ITGB5: variants seen among roughly 807,000 people sequenced by gnomAD.
The protein encoded by ITGB5 is integrin subunit beta 5, also known as integrin beta-5.
In ITGB5, 38 loss-of-function variants were observed where a neutral mutation model predicts 84.8. The observed-to-expected ratio is 0.45, with a 90% CI of 0.35 to 0.59. ITGB5 has a LOEUF of 0.59. Ranked by LOEUF, ITGB5 falls within the 20% of genes least tolerant of loss-of-function variation. The probability of loss-of-function intolerance (pLI) is 0.01; values close to 1 mark genes in which losing one functional copy is unlikely to be tolerated. For synonymous variants in ITGB5, 393 were observed against 414.4 expected, an observed-to-expected ratio of 0.95 and a Z score of 0.63; for missense variants, 905 against 1,034.5, an observed-to-expected ratio of 0.87 and a Z score of 1.72.
chr3:124,887,531 G>A (rs1488763901), upstream of ITGB5: 2 of 234,898 alleles, frequency 8.5e-6, no homozygotes, highest in East Asian at 1.3e-4. Flanking sequence ...GGCCAGCTCC[G>A]CCCTGTGCGG....
chr3:124,862,289 C>T (rs2065315228), intron 2 of ITGB5: 1 of 152,482 alleles, frequency 6.6e-6, no homozygotes, highest in Middle Eastern at 3.4e-3. Flanking sequence ...GTAATGAGAA[C>T]CCCTGACACC....
intron 10 of ITGB5, among the ~76,000 whole-genome samples, chr3:124,793,970 C>G (rs1009220475): frequency 6.6e-6 from 1 of 152,246 alleles, no homozygotes; most frequent in Non-Finnish European, 1.5e-5. Context: ...TGTTAACCCA[C>G]GTCTGTGCAA....
At chr3:124,781,393 T>G (rs745611681) in intron 10 of ITGB5, 2 of 152,510 alleles carry the variant, frequency 1.3e-5, no homozygotes, top group Non-Finnish European at 2.9e-5. Context: ...TGACCTGTGC[T>G]GCCTGGTGTT....
intron 1 of ITGB5, among the ~76,000 whole-genome samples, chr3:124,886,647 C>A (rs1206300902): frequency 6.6e-6 from 1 of 151,944 alleles, no homozygotes; most frequent in African/African-American, 2.4e-5. Flanking sequence ...GTGCCCTGGG[C>A]GCGGGCCCTG....
rs960875949 is a variant in ITGB5 at position 124,821,248 on chromosome 3, C to G, written c.942+65G>C. On this transcript the variant is annotated intron_variant, in intron 6 of 14. Coordinates refer to ENST00000296181, the MANE Select transcript of ITGB5 (RefSeq NM_002213.5). ...GGAAGGTTTCAAGGCTGGGCAAGTA[C>G]TAAGACCACGGGCAGGGTCACAAGA... 28 of 1,537,796 alleles carry G rather than the reference C, an allele frequency of 1.8e-5. No individual in the cohort carries two copies. In the Admixed American group the frequency reaches 2.3e-4, roughly 13 times the overall value.
In ITGB5 at chr3:124,807,941, CAAAAAAAAAAAAAAAAAAAAA is replaced by C. The variant is rs552552243; in HGVS notation, c.1263+1060_1263+1080del. On this transcript the variant is annotated intron_variant, in intron 9 of 14. Transcript: ENST00000296181. ...TGGGCGACAGAGCGAGACTTCATCT[CAAAAAAAAAAAAAAAAAAAAA>C]AAAAAAAAAAAAAAAAAAGAGGTAT... is the stretch of plus-strand genomic sequence containing the variant. Among the ~76,000 whole-genome samples the C allele has an allele frequency of 9.3e-4, 25 of 26,802 alleles. 1 individual carries two copies. The highest frequency in any genetic ancestry group is 2.5e-3 in the South Asian group (1 of 406). 17.6% of individuals were successfully genotyped at this position (26,802 alleles called of 152,430 possible).
chr3:124,806,142 G>A (rs895142094), intron 9 of ITGB5, among the ~76,000 whole-genome samples: 2 of 152,176 alleles, frequency 1.3e-5, no homozygotes, highest in African/African-American at 4.8e-5. Flanking sequence ...TGACTGTGCT[G>A]TTGTCAACCC....
chr3:124,896,823 A>G lies in ITGB5; in HGVS notation c.-255+4443T>C, dbSNP rs1935112921. ...TGCCTGTTATCCCAGCATTTTGGGAAGCTGAGGTGAGAGGATCACCTGAGC... is the reference window on the plus strand; with the variant it reads ...TGCCTGTTATCCCAGCATTTTGGGAGGCTGAGGTGAGAGGATCACCTGAGC... On this transcript the variant is annotated intron_variant, in intron 1 of 4. Coordinates refer to the ITGB5 transcript ENST00000608657. 3.3e-5 allele frequency among the ~76,000 whole-genome samples: 5 copies of G among 150,386 alleles called. 1 individual carries two copies. In the South Asian group the frequency reaches 8.5e-4, roughly 26 times the overall value.
intron 7 of ITGB5, among the ~76,000 whole-genome samples, chr3:124,818,269 T>C (rs2064638015): frequency 6.6e-6 from 1 of 152,146 alleles, no homozygotes. Flanking sequence ...CTTTCCTCTT[T>C]CATCTGTACT....
chr3:124,892,934 C>T (rs1341867784), intron 1 of ITGB5, among the ~76,000 whole-genome samples: 1 of 152,028 alleles, frequency 6.6e-6, no homozygotes, highest in East Asian at 1.9e-4. Context: ...GAGTTCGGGG[C>T]AGAAAAACAA....
At chr3:124,844,205 CAAAAAAA>C (rs58956636) in intron 4 of ITGB5, among the ~76,000 whole-genome samples, 38 of 85,908 alleles carry the variant, frequency 4.4e-4, no homozygotes, top group African/African-American at 1.1e-3. Context: ...TTGGTTTTGG[CAAAAAAA>C]AAAAAAAAAA....
At chr3:124,819,617 A>G in intron 7 of ITGB5, 122 bp downstream of exon 7, 1 of 719,346 alleles carries the variant, frequency 1.4e-6, no homozygotes, top group South Asian at 1.6e-5. Flanking sequence ...ATTTTCCATT[A>G]GATCAAGACT....
At chr3:124,844,205 CAAAAA>C (rs58956636) in intron 4 of ITGB5, among the ~76,000 whole-genome samples, 2 of 85,914 alleles carry the variant, frequency 2.3e-5, no homozygotes, top group South Asian at 4.9e-4. Flanking sequence ...TTGGTTTTGG[CAAAAA>C]AAAAAAAAAA....
chr3:124,851,257 C>T lies in ITGB5; in HGVS notation c.362-2699G>A, dbSNP rs924695408. 2.0e-5 allele frequency among the ~76,000 whole-genome samples: 3 copies of T among 152,160 alleles called. No individual in the cohort carries two copies. In the South Asian group the frequency reaches 6.2e-4, roughly 32 times the overall value. ...CTCAGGCTCTCTTCAACTCACTGCT[C>T]GGTTTCTGCATCAGTCAAGTGGGGA... On this transcript the variant is annotated intron_variant, in intron 3 of 14. Coordinates refer to ENST00000296181, the MANE Select transcript of ITGB5 (RefSeq NM_002213.5).
chr3:124,772,577 C>T (rs1389085500), intron 11 of ITGB5, among the ~76,000 whole-genome samples: 1 of 152,260 alleles, frequency 6.6e-6, no homozygotes, highest in Non-Finnish European at 1.5e-5. Flanking sequence ...TGTGTCCCTT[C>T]CTCCTTAGCA....
intron 10 of ITGB5, among the ~76,000 whole-genome samples, chr3:124,784,437 C>T (rs564908520): frequency 6.6e-6 from 1 of 152,256 alleles, no homozygotes; most frequent in East Asian, 1.9e-4. Flanking sequence ...CCCAGGAGTT[C>T]AAGCCTGCAA....
intron 8 of ITGB5, among the ~76,000 whole-genome samples, chr3:124,811,758 G>A (rs1482070085): frequency 6.6e-6 from 1 of 152,178 alleles, no homozygotes; most frequent in Non-Finnish European, 1.5e-5. Flanking sequence ...AAACTCTTAA[G>A]ACATTTCAGG....
Position 124,886,915 on chromosome 3 carries a change from G to A in ITGB5, c.70+16C>T, listed in dbSNP as rs1209004623. The A allele has an allele frequency of 7.4e-6, 9 of 1,209,434 alleles. No individual in the cohort carries two copies. The South Asian group carries it at 1.6e-4, about 22-fold the overall frequency. 74.9% of individuals were successfully genotyped at this position (1,209,434 alleles called of 1,614,324 possible). A position where few individuals can be genotyped will look rare whatever the true frequency, so the allele number is the denominator to read the frequency against. On this transcript the variant is annotated intron_variant, in intron 1 of 14. Coordinates refer to ENST00000296181, the MANE Select transcript of ITGB5 (RefSeq NM_002213.5). ...GCGACAAAGTTTCTCTGGGCGCCGTGGGCGGCGCGGCTTACCTGCGAGCCG... is the reference window on the plus strand; with the variant it reads ...GCGACAAAGTTTCTCTGGGCGCCGTAGGCGGCGCGGCTTACCTGCGAGCCG...
At chr3:124,834,037 T>A (rs981234962) in intron 5 of ITGB5, among the ~76,000 whole-genome samples, 7 of 151,908 alleles carry the variant, frequency 4.6e-5, no homozygotes, top group Non-Finnish European at 7.4e-5. Context: ...CAGGCACAGG[T>A]TAGACATTAA....
Sources: allele counts gnomAD v4.1 joint callset (sites outside exome capture counted in the v4.1 genomes callset), GRCh38; gene constraint gnomAD v4.1.1; transcripts MANE v1.5; gene names NCBI Gene and HGNC (gene_info 2026-07-23, HGNC 2026-07-21).